The following CSTPP1 variants were observed in gnomAD, a reference collection of about 807,000 sequenced individuals.
CSTPP1 encodes the protein UPF0705 protein C11orf49.
the CSTPP1 span, among the ~76,000 whole-genome samples, chr11:46,942,121 A>G: frequency 6.6e-6 from 1 of 152,262 alleles, no homozygotes; most frequent in African/African-American, 2.4e-5. Flanking sequence ...TCTTAAGATC[A>G]TCACTAAAGA....
At chr11:46,960,428 C>T in the CSTPP1 span, among the ~76,000 whole-genome samples, 4 of 152,182 alleles carry the variant, frequency 2.6e-5, no homozygotes, top group Non-Finnish European at 5.9e-5. Flanking sequence ...TTACTTTCCC[C>T]GCAACCCCTG....
At chr11:47,005,194 T>C in the CSTPP1 span, among the ~76,000 whole-genome samples, 4 of 152,158 alleles carry the variant, frequency 2.6e-5, no homozygotes, top group African/African-American at 4.8e-5. Context: ...AAGATAGTGG[T>C]TTTTTTGTTT....
At chr11:47,052,681 G>A in the CSTPP1 span, 1 of 938,344 alleles carries the variant, frequency 1.1e-6, no homozygotes, top group Non-Finnish European at 1.5e-6. Flanking sequence ...GCTATTCAAG[G>A]CATTTAGAAT....
chr11:46,973,880 G>T, the CSTPP1 span, among the ~76,000 whole-genome samples: 7 of 151,822 alleles, frequency 4.6e-5, no homozygotes, highest in African/African-American at 1.7e-4. Flanking sequence ...TAATGCTGTG[G>T]CAGAGACTTC....
chr11:46,950,982 T>G, the CSTPP1 span, among the ~76,000 whole-genome samples: 3 of 152,190 alleles, frequency 2.0e-5, no homozygotes, highest in Non-Finnish European at 4.4e-5. Context: ...AATTCTCATA[T>G]GCAGGAGGAC....
the CSTPP1 span, among the ~76,000 whole-genome samples, chr11:46,950,824 C>T: frequency 6.6e-6 from 1 of 151,962 alleles, no homozygotes; most frequent in African/African-American, 2.4e-5. Flanking sequence ...ATTGGCCAGG[C>T]TGGTCTGTTG....
At chr11:47,086,234 C>CAAAAAAAAAAAAAAAAAAAAA in the CSTPP1 span, among the ~76,000 whole-genome samples, 10 of 89,434 alleles carry the variant, frequency 1.1e-4, 5 homozygotes, top group African/African-American at 9.3e-5. Flanking sequence ...ACTAAAAATC[C>CAAAAAAAAAAAAAAAAAAAAA]AAAAAAAAAA....
chr11:47,094,542 T>C, the CSTPP1 span, among the ~76,000 whole-genome samples: 1 of 152,154 alleles, frequency 6.6e-6, no homozygotes, highest in African/African-American at 2.4e-5. Flanking sequence ...ATCTTGATGG[T>C]AGCGGTGATT....
At chr11:47,140,943 A>G in the CSTPP1 span, among the ~76,000 whole-genome samples, 1 of 152,136 alleles carries the variant, frequency 6.6e-6, no homozygotes, top group East Asian at 2.0e-4. Context: ...TACTAAAAAT[A>G]CAAAAAAATT....
At chr11:46,964,126 G>T in the CSTPP1 span, among the ~76,000 whole-genome samples, 1 of 152,000 alleles carries the variant, frequency 6.6e-6, no homozygotes, top group African/African-American at 2.4e-5. Context: ...ACTGGATCTG[G>T]TTAAAATCTT....
the CSTPP1 span, among the ~76,000 whole-genome samples, chr11:47,016,273 T>C: frequency 2.6e-5 from 4 of 152,114 alleles, no homozygotes; most frequent in African/African-American, 9.7e-5. Flanking sequence ...TTCTCACCAT[T>C]TTTGTTCAAC....
the CSTPP1 span, among the ~76,000 whole-genome samples, chr11:46,951,727 G>A: frequency 6.6e-6 from 1 of 152,124 alleles, no homozygotes; most frequent in Non-Finnish European, 1.5e-5. Context: ...TTATGCATGA[G>A]AAGAAATGGT....
chr11:47,156,511 G>A, the CSTPP1 span, among the ~76,000 whole-genome samples: 2 of 152,198 alleles, frequency 1.3e-5, no homozygotes, highest in Non-Finnish European at 2.9e-5. Context: ...ATTCCAACAC[G>A]CTTTCTTGAG....
chr11:47,021,467 A>G, the CSTPP1 span, among the ~76,000 whole-genome samples: 1 of 152,146 alleles, frequency 6.6e-6, no homozygotes, highest in African/African-American at 2.4e-5. Context: ...TATCCATATC[A>G]ACTTGCTTAC....
the CSTPP1 span, among the ~76,000 whole-genome samples, chr11:46,950,176 CTTT>C: frequency 2.9e-5 from 4 of 136,290 alleles, no homozygotes; most frequent in Admixed American, 7.3e-5. Flanking sequence ...TTTTTCTTTT[CTTT>C]TTTTTTTTTT....
the CSTPP1 span, among the ~76,000 whole-genome samples, chr11:47,000,833 G>C: frequency 1.3e-5 from 2 of 152,160 alleles, no homozygotes; most frequent in African/African-American, 4.8e-5. Context: ...CTGTGTGCTA[G>C]GCACTGTTCT....
chr11:47,022,035 G>GTT, the CSTPP1 span, among the ~76,000 whole-genome samples: 14 of 139,194 alleles, frequency 1.0e-4, no homozygotes, highest in Admixed American at 3.6e-4. Flanking sequence ...CACATATATG[G>GTT]TTTTTTTTTT....
the CSTPP1 span, among the ~76,000 whole-genome samples, chr11:47,128,083 G>A: frequency 6.6e-6 from 1 of 152,112 alleles, no homozygotes; most frequent in Non-Finnish European, 1.5e-5. Context: ...CACCATGTTG[G>A]CCAGGCTGGT....
At chr11:47,124,088 T>G in the CSTPP1 span, among the ~76,000 whole-genome samples, 6 of 149,438 alleles carry the variant, frequency 4.0e-5, no homozygotes, top group Non-Finnish European at 8.9e-5. Context: ...GGTTTGTACA[T>G]TTTCAAATAG....
Sources: gnomAD v4.1 joint callset for allele counts (sites outside exome capture counted in the v4.1 genomes callset) on GRCh38, gnomAD v4.1.1 for gene constraint, MANE v1.5 for transcripts, NCBI Gene and HGNC (gene_info 2026-07-23, HGNC 2026-07-21) for gene names.